Variants in SP140L observed in about 807,000 individuals in gnomAD.
SP140L encodes the protein nuclear body protein SP140-like protein.
In SP140L, 64 loss-of-function variants were observed where a neutral mutation model predicts 84.3. The observed-to-expected ratio is 0.76, with a 90% confidence interval of 0.62 to 0.94. The LOEUF (loss-of-function observed/expected upper bound fraction) is 0.94. Ranked by LOEUF, SP140L falls within the 40% of genes least tolerant of loss-of-function variation. The pLI is 0.00. For synonymous variants in SP140L, 242 were observed against 236.9 expected (o/e 1.02, Z -0.20); for missense variants, 628 against 692.5 (o/e 0.91, Z 1.05).
intron 2 of SP140L, among the ~76,000 whole-genome samples, chr2:230,350,348 A>G (rs997850314): frequency 9.2e-5 from 14 of 152,352 alleles, no homozygotes; most frequent in African/African-American, 2.6e-4. Flanking sequence ...TAGCTATGTA[A>G]TATTTCAACA....
At chr2:230,388,178 T>C (rs1342182405) in intron 9 of SP140L, among the ~76,000 whole-genome samples, 3 of 152,182 alleles carry the variant, frequency 2.0e-5, no homozygotes, top group Admixed American at 2.0e-4. Flanking sequence ...ATTAAATTAG[T>C]GGATGTGTGT....
At chr2:230,402,695 T>G in intron 18 of SP140L, 103 bp from the exon 19 acceptor site, 1 of 888,832 alleles carries the variant, frequency 1.1e-6, no homozygotes, top group Non-Finnish European at 1.7e-6. Context: ...AACTTACAGT[T>G]TTTATTTTTT....
At chr2:230,359,266 A>C in intron 4 of SP140L, 134 bp downstream of exon 4, 1 of 745,972 alleles carries the variant, frequency 1.3e-6, no homozygotes, top group South Asian at 1.9e-5. Context: ...TAGACGTGTC[A>C]TGAGTCTTCT....
At chr2:230,393,680 G>T (rs1446787467) in intron 13 of SP140L, among the ~76,000 whole-genome samples, 1 of 152,140 alleles carries the variant, frequency 6.6e-6, no homozygotes, top group African/African-American at 2.4e-5. Context: ...CGTATCAGAT[G>T]GAGATGCTGA....
intron 2 of SP140L, among the ~76,000 whole-genome samples, chr2:230,344,922 ATTAAGAC>A (rs1297450389): frequency 2.0e-5 from 3 of 152,212 alleles, no homozygotes; most frequent in African/African-American, 7.2e-5. Context: ...TCTTGAATTT[ATTAAGAC>A]TTCTTTTGTG....
Position 230,400,977 on chromosome 2 carries a change from T to C in SP140L, c.1336T>C (p.Cys446Arg). 1 of 1,539,394 alleles carries C rather than the reference T, an allele frequency of 6.5e-7. No individual in the cohort carries two copies. The highest frequency in any genetic ancestry group is 8.8e-7 in the Non-Finnish European group (1 of 1,131,344). Residue 446 changes from cysteine (C) to arginine (R), a missense_variant, in exon 16 of 19, where the codon TGC becomes CGC. By Grantham distance (180) the Cys-to-Arg change is radical. Coordinates refer to ENST00000415673, the MANE Select transcript of SP140L (RefSeq NM_138402.6). ...SEKTPWNCIF[C>R]RMKESPGSQQ... ...CAGGACCCCGTGGAATTGCATCTTC[T>C]GCAGGATGAAGGAGTCTCCGGGAAG...
intron 14 of SP140L, among the ~76,000 whole-genome samples, chr2:230,399,146 C>G (rs184222516): frequency 3.9e-5 from 6 of 152,340 alleles, no homozygotes; most frequent in Non-Finnish European, 7.4e-5. Flanking sequence ...GTCATGAATA[C>G]ACTTGCATTT....
chr2:230,364,845 A>G (rs2060819734), intron 5 of SP140L, among the ~76,000 whole-genome samples: 1 of 152,084 alleles, frequency 6.6e-6, no homozygotes, highest in African/African-American at 2.4e-5. Flanking sequence ...AATTTTTATC[A>G]TGAAAAAAGT....
chr2:230,329,388 A>G (rs944874719), intron 2 of SP140L, among the ~76,000 whole-genome samples: 1 of 152,094 alleles, frequency 6.6e-6, no homozygotes, highest in African/African-American at 2.4e-5. Context: ...TTTTACTTTG[A>G]GTTCACAATA....
chr2:230,400,349 G>T, intron 15 of SP140L, 107 bp downstream of exon 15: 7 of 1,125,786 alleles, frequency 6.2e-6, no homozygotes, highest in Non-Finnish European at 9.1e-6. Context: ...GAAGGAGCAG[G>T]TTCATCGGGT....
chr2:230,367,069 G>A (rs9653378), intron 5 of SP140L, among the ~76,000 whole-genome samples: 38,997 of 151,554 alleles, frequency 0.26, 6,950 homozygotes, highest in East Asian at 0.6. Context: ...CTCTTCCTTC[G>A]TTTGTGATTA....
rs143088893 is a variant in SP140L, at chr2:230,371,046, C to T, written c.583+79C>T. On this transcript the variant is annotated intron_variant, in intron 6 of 18. Coordinates refer to ENST00000415673, the MANE Select transcript of SP140L (RefSeq NM_138402.6). ...CTGGGAAGAGTGGAGGCAGGTGCTC[C>T]AGTCCGCCCAGAATCCTGTTCTGTG... 1,713 of 1,244,544 alleles carry T rather than the reference C, an allele frequency of 1.4e-3. 14 individuals carry two copies. In the African/African-American group the frequency reaches 0.021, roughly 15 times the overall value. The allele number at this position is 1,244,544 out of a possible 1,614,324, so 77.1% of individuals were successfully genotyped here. A position where few individuals can be genotyped will look rare whatever the true frequency, so the allele number is the denominator to read the frequency against.
intron 9 of SP140L, among the ~76,000 whole-genome samples, chr2:230,385,715 G>A (rs1376053729): frequency 6.6e-6 from 1 of 152,146 alleles, no homozygotes; most frequent in African/African-American, 2.4e-5. Context: ...ACAACAATAA[G>A]AGTCTCATTT....
At chr2:230,331,885 C>A (rs2059734628) in intron 2 of SP140L, among the ~76,000 whole-genome samples, 1 of 152,148 alleles carries the variant, frequency 6.6e-6, no homozygotes, top group African/African-American at 2.4e-5. Context: ...ATTACATCTT[C>A]AAAATAGCAG....
At chr2:230,400,711 A>C in intron 15 of SP140L, 1 of 849,628 alleles carries the variant, frequency 1.2e-6, no homozygotes. Flanking sequence ...AGACAGGGAA[A>C]GGATAGTCCC....
At chr2:230,379,289 G>A (rs1212180269) in intron 7 of SP140L, among the ~76,000 whole-genome samples, 1 of 151,316 alleles carries the variant, frequency 6.6e-6, no homozygotes, top group Admixed American at 6.6e-5. Flanking sequence ...GTGTTTTTTT[G>A]TGTGTCTCTT....
At chr2:230,396,271 T>C (rs2062043681) in intron 13 of SP140L, among the ~76,000 whole-genome samples, 1 of 152,134 alleles carries the variant, frequency 6.6e-6, no homozygotes, top group Non-Finnish European at 1.5e-5. Context: ...TCAGTAGATA[T>C]ATAGGTCCAA....
At chr2:230,330,268 T>C (rs2059690800) in intron 2 of SP140L, among the ~76,000 whole-genome samples, 1 of 152,222 alleles carries the variant, frequency 6.6e-6, no homozygotes, top group Non-Finnish European at 1.5e-5. Flanking sequence ...GAGGACACCA[T>C]TAATTATCTT....
intron 2 of SP140L, among the ~76,000 whole-genome samples, chr2:230,353,152 T>G (rs1033308851): frequency 2.6e-5 from 4 of 152,096 alleles, no homozygotes; most frequent in African/African-American, 9.7e-5. Flanking sequence ...TCAATCTCAT[T>G]GCCATTACCT....
Sources: gnomAD v4.1 joint callset for allele counts (sites outside exome capture counted in the v4.1 genomes callset) on GRCh38, gnomAD v4.1.1 for gene constraint, MANE v1.5 for transcripts, NCBI Gene and HGNC (gene_info 2026-07-23, HGNC 2026-07-21) for gene names.